The following KIAA1958 variants were observed in gnomAD, a reference collection of about 807,000 sequenced individuals.
KIAA1958 encodes the protein uncharacterized protein KIAA1958.
KIAA1958 carries 14 observed loss-of-function variants against 47.2 expected under a neutral mutation model. The ratio of observed to expected loss-of-function variants is 0.30; its 90% confidence interval spans 0.20 to 0.46. KIAA1958 has a LOEUF of 0.46. KIAA1958 is among the 20% of genes least tolerant of loss of function. The probability of loss-of-function intolerance (pLI) is 1.00; values close to 1 mark genes in which losing one functional copy is unlikely to be tolerated. For synonymous variants in KIAA1958, 354 were observed against 353.3 expected (o/e 1.00, Z -0.02); for missense variants, 803 against 909.2 (o/e 0.88, Z 1.50).
At chr9:112,545,924 A>C (rs559239813) in intron 1 of KIAA1958, among the ~76,000 whole-genome samples, 21 of 150,900 alleles carry the variant, frequency 1.4e-4, no homozygotes, top group African/African-American at 4.9e-4. Context: ...TGTATGAAAT[A>C]CATAAACTTG....
intron 2 of KIAA1958, among the ~76,000 whole-genome samples, chr9:112,605,635 G>C (rs1047261515): frequency 1.2e-4 from 19 of 152,116 alleles, no homozygotes; most frequent in African/African-American, 3.6e-4. Flanking sequence ...TGCATGACCT[G>C]GCCCCAGTGG....
chr9:112,573,389 G>C (rs1835572603), intron 1 of KIAA1958, among the ~76,000 whole-genome samples: 2 of 152,126 alleles, frequency 1.3e-5, no homozygotes, highest in Admixed American at 1.3e-4. Context: ...CCCCATCCTT[G>C]CTTCTTTGGT....
intron 1 of KIAA1958, among the ~76,000 whole-genome samples, chr9:112,564,795 T>C (rs1048062203): frequency 8.5e-5 from 13 of 152,194 alleles, no homozygotes; most frequent in African/African-American, 3.1e-4. Context: ...GAACCAGACT[T>C]GAGACAGTAT....
intron 2 of KIAA1958, among the ~76,000 whole-genome samples, chr9:112,640,614 G>A (rs952887362): frequency 6.6e-6 from 1 of 152,036 alleles, no homozygotes; most frequent in Non-Finnish European, 1.5e-5. Context: ...TTCTGTTTGG[G>A]TTCTATGTCC....
chr9:112,524,123 G>A (rs1157843904), intron 1 of KIAA1958, among the ~76,000 whole-genome samples: 1 of 152,208 alleles, frequency 6.6e-6, no homozygotes, highest in Non-Finnish European at 1.5e-5. Flanking sequence ...TGGCACAGAC[G>A]TTAAGAGTTC....
At position 112,631,653 on chromosome 9, in the gene KIAA1958, A is replaced by G. The variant is rs541250059; in HGVS notation, c.1172-13997A>G. Among the ~76,000 whole-genome samples the G allele has an allele frequency of 5.3e-5, 8 of 152,300 alleles. No homozygotes were observed. In the East Asian group the frequency reaches 1.5e-3, roughly 29 times the overall value. ...TTATTATTAATAATTGATAAATAGT[A>G]ATATCAAATCAGAAATAAAAATTAC... On this transcript the variant is annotated intron_variant, in intron 2 of 3. Coordinates refer to ENST00000337530, the MANE Select transcript of KIAA1958 (RefSeq NM_133465.4).
intron 2 of KIAA1958, among the ~76,000 whole-genome samples, chr9:112,627,245 A>G (rs1301068368): frequency 2.0e-5 from 3 of 152,244 alleles, no homozygotes; most frequent in African/African-American, 7.2e-5. Context: ...GAAAGCAAGA[A>G]TTCTGAACTT....
At chr9:112,584,701 C>T (rs575369760) in intron 2 of KIAA1958, among the ~76,000 whole-genome samples, 4 of 152,280 alleles carry the variant, frequency 2.6e-5, no homozygotes, top group African/African-American at 9.6e-5. Flanking sequence ...TACTTTTATT[C>T]GAGGATCAAC....
chr9:112,584,384 G>T (rs995693791), intron 2 of KIAA1958, among the ~76,000 whole-genome samples: 3 of 152,172 alleles, frequency 2.0e-5, no homozygotes, highest in Non-Finnish European at 4.4e-5. Context: ...GTTTAAAAAT[G>T]TGATTACTTT....
At chr9:112,593,470 A>G (rs1835962061) in intron 2 of KIAA1958, among the ~76,000 whole-genome samples, 2 of 152,386 alleles carry the variant, frequency 1.3e-5, no homozygotes, top group African/African-American at 4.8e-5. Flanking sequence ...TTACTGGTCT[A>G]AAAACTAACA....
In KIAA1958 at chr9:112,655,391, C is replaced by T. The variant is rs543145205; in HGVS notation, c.1345-3872C>T. 2.6e-5 allele frequency among the ~76,000 whole-genome samples: 4 copies of T among 152,226 alleles called. No homozygotes were observed. In the South Asian group the frequency reaches 6.2e-4, roughly 24 times the overall value. On this transcript the variant is annotated intron_variant, in intron 3 of 3. Transcript: ENST00000337530. ...ACTGTATTGTCATTAATCCATTCATCCAACAAAAACTTATGGCACTCCTCT... is the reference window on the plus strand; with the variant it reads ...ACTGTATTGTCATTAATCCATTCATTCAACAAAAACTTATGGCACTCCTCT...
intron 2 of KIAA1958, among the ~76,000 whole-genome samples, chr9:112,612,567 G>A (rs1403384395): frequency 1.0e-5 from 1 of 98,812 alleles, no homozygotes; most frequent in African/African-American, 4.0e-5. Flanking sequence ...ACTTGAAAAA[G>A]CATTAAATCT....
At chr9:112,643,906 G>A (rs115900723) in intron 2 of KIAA1958, among the ~76,000 whole-genome samples, 3,407 of 152,210 alleles carry the variant, frequency 0.022, 134 homozygotes, top group African/African-American at 0.076. Flanking sequence ...GGCCGGGTGC[G>A]GTGGCTCACA....
chr9:112,588,259 ATATTC>A (rs1226301139), intron 2 of KIAA1958, among the ~76,000 whole-genome samples: 1 of 152,212 alleles, frequency 6.6e-6, no homozygotes, highest in Non-Finnish European at 1.5e-5. Flanking sequence ...CTAGCTATTC[ATATTC>A]TAAGATTGCA....
At chr9:112,603,617 A>G (rs1836174111) in intron 2 of KIAA1958, among the ~76,000 whole-genome samples, 1 of 152,204 alleles carries the variant, frequency 6.6e-6, no homozygotes, top group Admixed American at 6.5e-5. Context: ...TAGAGCCCAC[A>G]CCATAAACTC....
Position 112,660,153 on chromosome 9 carries a change from G to T in KIAA1958, c.*84G>T, listed in dbSNP as rs904506676. 3 of 1,278,948 alleles carry T rather than the reference G, an allele frequency of 2.3e-6. No homozygotes were observed. The highest frequency in any genetic ancestry group is 3.3e-6 in the Non-Finnish European group (3 of 907,810). The allele number at this position is 1,278,948 out of a possible 1,614,324, so 79.2% of individuals were successfully genotyped here. On this transcript the variant is annotated 3_prime_UTR_variant, in exon 4 of 4. Coordinates refer to ENST00000337530, the MANE Select transcript of KIAA1958 (RefSeq NM_133465.4). ...CAGCTGGAGCTCCTTGGAGGCAGGG[G>T]CTGACCAGGTGTGACCTCCCGGTCT...
chr9:112,510,777 C>G (rs1368529315), intron 1 of KIAA1958, among the ~76,000 whole-genome samples: 2 of 151,962 alleles, frequency 1.3e-5, no homozygotes, highest in Non-Finnish European at 2.9e-5. Flanking sequence ...TAGGGAGTGC[C>G]AGGCATGTGT....
intron 2 of KIAA1958, among the ~76,000 whole-genome samples, chr9:112,584,553 A>T (rs931803713): frequency 3.3e-5 from 5 of 152,216 alleles, no homozygotes; most frequent in African/African-American, 1.2e-4. Flanking sequence ...GGAATTTGAG[A>T]ATTATCCTCA....
At chr9:112,619,351 A>G (rs1003739407) in intron 2 of KIAA1958, 1 of 152,094 alleles carries the variant, frequency 6.6e-6, no homozygotes. Context: ...TTAATTTTTA[A>G]AATTCTATAT....
Sources: gnomAD v4.1 joint callset for allele counts (sites outside exome capture counted in the v4.1 genomes callset) on GRCh38, gnomAD v4.1.1 for gene constraint, MANE v1.5 for transcripts, NCBI Gene and HGNC (gene_info 2026-07-23, HGNC 2026-07-21) for gene names.